The following TRAPPC6A variants were observed in gnomAD, a reference collection of about 807,000 sequenced individuals.
TRAPPC6A encodes the protein trafficking protein particle complex subunit 6A, also known as TRAPP complex subunit 6A.
Under a neutral mutation model 20.8 loss-of-function variants are expected in TRAPPC6A, and 25 were observed. The observed-to-expected ratio is 1.20, with a 90% CI of 0.88 to 1.68. TRAPPC6A has a LOEUF of 1.68. Ranked by LOEUF, TRAPPC6A falls within the 40% of genes most tolerant of loss-of-function variation. The pLI, the probability that TRAPPC6A is intolerant of heterozygous loss-of-function variation, is 0.00. For synonymous variants in TRAPPC6A, 96 were observed against 93.3 expected (o/e 1.03, Z -0.16); for missense variants, 215 against 211.6 (o/e 1.02, Z -0.10).
At chr19:45,174,082 CA>C (rs1479108555) in intron 1 of TRAPPC6A, among the ~76,000 whole-genome samples, 3 of 152,158 alleles carry the variant, frequency 2.0e-5, no homozygotes, top group Non-Finnish European at 2.9e-5. Context: ...CTGGGAAATG[CA>C]AGTGAGAGTT....
At position 45,172,848 on chromosome 19, in the gene TRAPPC6A, G is replaced by A. The variant is rs1175155484; in HGVS notation, c.84+5287C>T. Among the ~76,000 whole-genome samples the A allele has an allele frequency of 6.6e-6, 1 of 151,690 alleles. No homozygotes were observed. Among genetic ancestry groups the A allele is most frequent in the East Asian group, 1.9e-4 (1 of 5,184 alleles). ...TTTCTAGAATGTAAATCTGAGCCAG[G>A]CGCACCTCAGTTTAAACCCGGCTAT... On this transcript the variant is annotated intron_variant, in intron 1 of 5. Coordinates refer to ENST00000585934, the MANE Select transcript of TRAPPC6A (RefSeq NM_001270891.2). The surrounding 1 kb of genome is among the most constrained non-coding windows in gnomAD (Gnocchi z 4.2).
chr19:45,178,100 G>A (rs1193029201), intron 1 of TRAPPC6A, 35 bp downstream of exon 1: 1 of 1,612,320 alleles, frequency 6.2e-7, no homozygotes, highest in Non-Finnish European at 8.5e-7. Flanking sequence ...TACCTTGGTG[G>A]CCCCCGCTTC....
At chr19:45,175,295 C>T (rs529990829) in intron 1 of TRAPPC6A, among the ~76,000 whole-genome samples, 44 of 144,762 alleles carry the variant, frequency 3.0e-4, no homozygotes, top group Non-Finnish European at 4.5e-4. Context: ...GGTGTGGTGT[C>T]GGGCACCTGT....
At chr19:45,168,497 CG>C (rs1325399236) in intron 1 of TRAPPC6A, among the ~76,000 whole-genome samples, 2 of 152,138 alleles carry the variant, frequency 1.3e-5, no homozygotes, top group Admixed American at 6.5e-5. Flanking sequence ...CACGGAGACC[CG>C]GGAGCTCACC....
Position 45,163,458 on chromosome 19 carries a change from C to G in TRAPPC6A, c.449-235G>C, listed in dbSNP as rs893366822. On this transcript the variant is annotated intron_variant, in intron 5 of 5. Transcript: ENST00000585934. This position sits in a 1 kb window ranked among gnomAD's most constrained non-coding sequence, Gnocchi z 5.3. ...ACGGGCTTCTGTGGTATGCATTGCTCGGTCCTACCCCACGGGGGCCCCGGG... is the reference window on the plus strand; with the variant it reads ...ACGGGCTTCTGTGGTATGCATTGCTGGGTCCTACCCCACGGGGGCCCCGGG... Among the ~76,000 whole-genome samples, 1 of 152,066 alleles carries G rather than the reference C, an allele frequency of 6.6e-6. No homozygotes were observed. Among genetic ancestry groups the G allele is most frequent in the African/African-American group, 2.4e-5 (1 of 41,412 alleles).
chr19:45,175,728 C>A (rs1393251550), intron 1 of TRAPPC6A, among the ~76,000 whole-genome samples: 1 of 152,000 alleles, frequency 6.6e-6, no homozygotes, highest in Non-Finnish European at 1.5e-5. Flanking sequence ...TTTAGACTGA[C>A]TGGGCAGAGC....
intron 1 of TRAPPC6A, among the ~76,000 whole-genome samples, chr19:45,167,917 G>A (rs1453303844): frequency 6.6e-6 from 1 of 151,900 alleles, no homozygotes; most frequent in Non-Finnish European, 1.5e-5. Flanking sequence ...AGGATCATCT[G>A]AGCCCAGGAG....
chr19:45,167,305 T>A (rs1393215875), intron 1 of TRAPPC6A, among the ~76,000 whole-genome samples: 1 of 152,210 alleles, frequency 6.6e-6, no homozygotes, highest in Non-Finnish European at 1.5e-5. Flanking sequence ...TGAAACCAAT[T>A]TCACGCAGGT....
rs1047081960 is a variant in TRAPPC6A, at chr19:45,164,710, G to A, written c.270+143C>T. 32 of 766,140 alleles carry A rather than the reference G, an allele frequency of 4.2e-5. No individual in the cohort carries two copies. The African/African-American group carries it at 5.1e-4, about 12-fold the overall frequency. 47.5% of individuals were successfully genotyped at this position (766,140 alleles called of 1,614,324 possible). On this transcript the variant is annotated intron_variant, in intron 3 of 5. Coordinates refer to ENST00000585934, the MANE Select transcript of TRAPPC6A (RefSeq NM_001270891.2). ...CCTCCTGGCTTCCCTTAGAGGATCAGACAGAGCAAGAGCTGCGGCCGCCTG... is the reference window on the plus strand; with the variant it reads ...CCTCCTGGCTTCCCTTAGAGGATCAAACAGAGCAAGAGCTGCGGCCGCCTG...
At position 45,165,178 on chromosome 19, in the gene TRAPPC6A, A is replaced by G; in HGVS notation, c.101T>C (p.Leu34Pro). 6.2e-7 allele frequency: 1 copy of G among 1,606,660 alleles called. No individual in the cohort carries two copies. The highest frequency in any genetic ancestry group is 1.7e-4 in the Middle Eastern group (1 of 6,050). ...GAACCCCATACCCTCCAGGACCGAC[A>G]GGCTCATCTTCTGTCCCTAGAAGGC... ...DPGPGGQKMS[L>P]SVLEGMGFRV... Residue 34 changes from leucine (L) to proline (P), a missense_variant, in exon 2 of 6, where the codon CTG becomes CCG. Transcript: ENST00000585934.
At chr19:45,174,003 G>A (rs538622457) in intron 1 of TRAPPC6A, among the ~76,000 whole-genome samples, 1 of 152,294 alleles carries the variant, frequency 6.6e-6, no homozygotes, top group African/African-American at 2.4e-5. Flanking sequence ...GGTGAGCAGA[G>A]CTGAGTAAGC....
intron 1 of TRAPPC6A, 97 bp downstream of exon 1, chr19:45,178,038 G>C (rs1969431679): frequency 2.5e-6 from 4 of 1,584,850 alleles, no homozygotes; most frequent in Non-Finnish European, 3.4e-6. Context: ...GCCGGGGCTG[G>C]GCCGGGTTCG....
At position 45,172,703 on chromosome 19, in the gene TRAPPC6A, C is replaced by G. The variant is rs1969290298; in HGVS notation, c.84+5432G>C. ...CTCTGCCCACTCAGAACTCCCCATC[C>G]TGTCCCCTGGCCCAGCCCGGAAGGT... On this transcript the variant is annotated intron_variant, in intron 1 of 5. Coordinates refer to ENST00000585934, the MANE Select transcript of TRAPPC6A (RefSeq NM_001270891.2). The surrounding 1 kb of genome is among the most constrained non-coding windows in gnomAD (Gnocchi z 4.2). Among the ~76,000 whole-genome samples the G allele has an allele frequency of 6.6e-6, 1 of 151,742 alleles. No individual in the cohort carries two copies. The highest frequency in any genetic ancestry group is 1.5e-5 in the Non-Finnish European group (1 of 68,004).
chr19:45,169,927 C>G (rs1969234939), intron 1 of TRAPPC6A, among the ~76,000 whole-genome samples: 1 of 152,198 alleles, frequency 6.6e-6, no homozygotes, highest in African/African-American at 2.4e-5. Context: ...ACAGACATTT[C>G]CTAGTGTCCT....
rs972895677 is a variant in TRAPPC6A at position 45,162,944 on chromosome 19, C to G, written c.*248G>C. ...TGCTCTGAGTCAGATTCCACACACA[C>G]AGCCTTTATTGAGCAGCTACTGGGC... On this transcript the variant is annotated 3_prime_UTR_variant, in exon 6 of 6. Coordinates refer to ENST00000585934, the MANE Select transcript of TRAPPC6A (RefSeq NM_001270891.2). 3 of 397,734 alleles carry G rather than the reference C, an allele frequency of 7.5e-6. No homozygotes were observed. Among genetic ancestry groups the G allele is most frequent in the Non-Finnish European group, 8.9e-6 (2 of 223,510 alleles). 24.6% of individuals were successfully genotyped at this position (397,734 alleles called of 1,614,324 possible).
chr19:45,174,671 A>G (rs565627821), intron 1 of TRAPPC6A, among the ~76,000 whole-genome samples: 3 of 152,200 alleles, frequency 2.0e-5, no homozygotes, highest in African/African-American at 7.2e-5. Context: ...TCTACAAAAA[A>G]TTTAAAAATT....
intron 1 of TRAPPC6A, among the ~76,000 whole-genome samples, chr19:45,174,165 G>C (rs1017344053): frequency 6.6e-6 from 1 of 152,204 alleles, no homozygotes; most frequent in Non-Finnish European, 1.5e-5. Flanking sequence ...AAGGAACTCC[G>C]TCCATCAAAG....
At chr19:45,164,077 T>C in intron 4 of TRAPPC6A, 68 bp from the exon 5 acceptor site, 1 of 1,549,896 alleles carries the variant, frequency 6.5e-7, no homozygotes, top group South Asian at 1.2e-5. Context: ...GGGGCACCCC[T>C]TAGGCCTGGG....
At position 45,163,994 on chromosome 19, in the gene TRAPPC6A, A is replaced by T. The variant is rs887493330; in HGVS notation, c.370T>A (p.Cys124Ser). The T allele has an allele frequency of 7.0e-6, 11 of 1,574,894 alleles. No individual in the cohort carries two copies. The highest frequency in any genetic ancestry group is 1.3e-5 in the African/African-American group (1 of 74,492). Residue 124 changes from cysteine (C) to serine (S), a missense_variant, in exon 5 of 6, where the codon TGC becomes AGC. Physicochemically the swap from Cys to Ser is moderately radical, Grantham distance 112. Coordinates refer to ENST00000585934, the MANE Select transcript of TRAPPC6A (RefSeq NM_001270891.2). The surrounding 1 kb of genome is among the most constrained non-coding windows in gnomAD (Gnocchi z 5.3). The part of the protein sequence containing the change: ...EEAPKFLAFT[C>S]GLLRGALYTL... ...TAGAGGGCGCCGCGCAGGAGGCCGC[A>T]GGTGAAGGCCAGGAACTGAGGAGGG...
Sources: gnomAD v4.1 joint callset for allele counts (sites outside exome capture counted in the v4.1 genomes callset) on GRCh38, gnomAD v4.1.1 for gene constraint, Gnocchi (gnomAD v3.1) non-coding constraint, MANE v1.5 for transcripts, NCBI Gene and HGNC (gene_info 2026-07-23, HGNC 2026-07-21) for gene names.